The following HAPLN1 variants were observed in gnomAD, a reference collection of about 807,000 sequenced individuals.
The protein encoded by HAPLN1 is Cartilage link protein.
HAPLN1 carries 13 observed loss-of-function variants against 36.5 expected under a neutral mutation model. The observed-to-expected ratio is 0.36, with a 90% CI of 0.23 to 0.57. The LOEUF (loss-of-function observed/expected upper bound fraction) is 0.57. Among genes scored for constraint, HAPLN1 ranks in the 20% least tolerant of loss-of-function variants. The pLI, the probability that HAPLN1 is intolerant of heterozygous loss-of-function variation, is 0.83. For missense variants in HAPLN1, 407 were observed against 439.7 expected, an observed-to-expected ratio of 0.93 and a Z score of 0.66; for synonymous variants, 202 against 169.8, an observed-to-expected ratio of 1.19 and a Z score of -1.48.
At chr5:83,707,335 A>G (rs1030290466) in intron 1 of HAPLN1, among the ~76,000 whole-genome samples, 2 of 152,190 alleles carry the variant, frequency 1.3e-5, no homozygotes, top group Non-Finnish European at 2.9e-5. Context: ...TTCAAACTAT[A>G]CTACAGGGCT....
At chr5:83,690,843 AT>A (rs2112619793) in intron 1 of HAPLN1, among the ~76,000 whole-genome samples, 1 of 152,176 alleles carries the variant, frequency 6.6e-6, no homozygotes. Context: ...TGAGTATTTT[AT>A]TAAAATAAGT....
intron 2 of HAPLN1, among the ~76,000 whole-genome samples, chr5:83,668,295 G>T (rs192245807): frequency 1.6e-3 from 238 of 151,844 alleles, no homozygotes; most frequent in African/African-American, 5.3e-3. Context: ...GGATACCAGA[G>T]GGGGACAGAT....
chr5:83,669,406 G>A (rs1419953275), intron 2 of HAPLN1, among the ~76,000 whole-genome samples: 1 of 152,114 alleles, frequency 6.6e-6, no homozygotes, highest in African/African-American at 2.4e-5. Flanking sequence ...GGCTGAGGTA[G>A]GAGAATCTCT....
chr5:83,711,623 T>A (rs1751787592), intron 1 of HAPLN1, among the ~76,000 whole-genome samples: 1 of 152,104 alleles, frequency 6.6e-6, no homozygotes, highest in Non-Finnish European at 1.5e-5. Context: ...AACAACAAAT[T>A]TTCTAGTTTG....
At chr5:83,679,540 A>G (rs942777503) in intron 1 of HAPLN1, among the ~76,000 whole-genome samples, 2 of 152,110 alleles carry the variant, frequency 1.3e-5, no homozygotes, top group African/African-American at 4.8e-5. Flanking sequence ...CCGCTCTTAC[A>G]TAATTTATTC....
chr5:83,667,561 T>C (rs1750587298), intron 2 of HAPLN1, among the ~76,000 whole-genome samples: 1 of 152,200 alleles, frequency 6.6e-6, no homozygotes, highest in Non-Finnish European at 1.5e-5. Flanking sequence ...GCAAATAAGA[T>C]ATTCTGCCTC....
chr5:83,652,651 C>T lies in HAPLN1; in HGVS notation c.274G>A (p.Val92Met). The T allele has an allele frequency of 6.2e-7, 1 of 1,614,146 alleles. No individual in the cohort carries two copies. Among genetic ancestry groups the T allele is most frequent in the Non-Finnish European group, 8.5e-7 (1 of 1,180,012 alleles). The change falls in exon 3 of 5, where the codon GTG (valine) becomes ATG (methionine). Residue 92 changes from valine to methionine, a missense_variant. Physicochemically the swap from Val to Met is conservative, Grantham distance 21 (BLOSUM62 1). Coordinates refer to ENST00000274341, the MANE Select transcript of HAPLN1 (RefSeq NM_001884.4). ...TATCCCATGGAAACAAAAACATCCA[C>T]TTCCTTGAGGTAATCCGAAGTTAGC... ...TKLTSDYLKE[V>M]DVFVSMGYHK...
intron 1 of HAPLN1, among the ~76,000 whole-genome samples, chr5:83,714,262 C>A (rs1243988430): frequency 6.6e-6 from 1 of 152,038 alleles, no homozygotes; most frequent in Non-Finnish European, 1.5e-5. Context: ...GTCATCAGTC[C>A]TAGAAATTTA....
chr5:83,676,764 A>G (rs1368639674), intron 1 of HAPLN1, among the ~76,000 whole-genome samples: 1 of 152,006 alleles, frequency 6.6e-6, no homozygotes, highest in Non-Finnish European at 1.5e-5. Flanking sequence ...GCTATTATCA[A>G]CTCCTGAATT....
At chr5:83,690,772 G>A (rs970047138) in intron 1 of HAPLN1, among the ~76,000 whole-genome samples, 3 of 151,840 alleles carry the variant, frequency 2.0e-5, no homozygotes, top group Admixed American at 1.3e-4. Flanking sequence ...TTTATATGGT[G>A]ATTATATATT....
chr5:83,672,411 A>G (rs978585690), intron 2 of HAPLN1, among the ~76,000 whole-genome samples: 3 of 152,238 alleles, frequency 2.0e-5, no homozygotes, highest in African/African-American at 7.2e-5. Context: ...TCTCAGTTCA[A>G]CAGAGAAAAA....
intron 1 of HAPLN1, among the ~76,000 whole-genome samples, chr5:83,693,081 A>G (rs541002058): frequency 2.0e-4 from 30 of 151,996 alleles, no homozygotes; most frequent in Middle Eastern, 3.4e-3. Context: ...TAACAATAAT[A>G]AAATGGAGCA....
intron 1 of HAPLN1, among the ~76,000 whole-genome samples, chr5:83,697,428 T>A (rs529080405): frequency 3.9e-5 from 6 of 152,316 alleles, no homozygotes; most frequent in Admixed American, 2.0e-4. Context: ...CACATTTTAT[T>A]TATCTGTTCA....
intron 3 of HAPLN1, among the ~76,000 whole-genome samples, chr5:83,648,394 A>AGTATATAT (rs1749938100): frequency 3.1e-5 from 1 of 32,774 alleles, no homozygotes. Flanking sequence ...CCTATATTTG[A>AGTATATAT]CTATATATAT....
At chr5:83,666,923 AAAG>A (rs1480939329) in intron 2 of HAPLN1, among the ~76,000 whole-genome samples, 1 of 152,154 alleles carries the variant, frequency 6.6e-6, no homozygotes, top group Non-Finnish European at 1.5e-5. Flanking sequence ...ACACAAATAC[AAAG>A]AAGACAAGGA....
chr5:83,718,538 T>C (rs1000195464), intron 1 of HAPLN1, among the ~76,000 whole-genome samples: 15 of 152,220 alleles, frequency 9.9e-5, no homozygotes, highest in Admixed American at 9.2e-4. Flanking sequence ...CCTCTAATCC[T>C]CCTTAAACAC....
intron 1 of HAPLN1, among the ~76,000 whole-genome samples, chr5:83,690,560 C>A (rs1051743911): frequency 1.3e-5 from 2 of 151,864 alleles, no homozygotes; most frequent in African/African-American, 4.8e-5. Context: ...TATGTTAATT[C>A]TATTTTCACA....
At chr5:83,648,431 A>ATATT (rs1210696867) in intron 3 of HAPLN1, among the ~76,000 whole-genome samples, 9 of 133,526 alleles carry the variant, frequency 6.7e-5, no homozygotes, top group African/African-American at 2.6e-4. Flanking sequence ...ATATATATAT[A>ATATT]TATATATGGT....
At chr5:83,705,002 A>G (rs555138917) in intron 1 of HAPLN1, among the ~76,000 whole-genome samples, 2 of 152,346 alleles carry the variant, frequency 1.3e-5, no homozygotes, top group South Asian at 2.1e-4. Context: ...GCCAATAATT[A>G]GACATAAAAC....
Sources: allele counts gnomAD v4.1 joint callset (sites outside exome capture counted in the v4.1 genomes callset), GRCh38; gene constraint gnomAD v4.1.1; transcripts MANE v1.5; gene names NCBI Gene and HGNC (gene_info 2026-07-23, HGNC 2026-07-21).